MAGEC3: variants seen among roughly 807,000 people sequenced by gnomAD.
MAGEC3 encodes MAGE family member C3, also known as melanoma-associated antigen C3.
A neutral mutation model predicts 35.3 loss-of-function variants in MAGEC3; 34 were observed. The observed-to-expected ratio is 0.96, with a 90% confidence interval of 0.73 to 1.28. The LOEUF (loss-of-function observed/expected upper bound fraction) is 1.28. Among genes scored for constraint, MAGEC3 ranks in the 50% most tolerant of loss-of-function variants. MAGEC3 has a pLI of 0.00. For missense variants in MAGEC3, 561 were observed against 483.6 expected (o/e 1.16, Z -1.50); for synonymous variants, 202 against 185.6 (o/e 1.09, Z -0.72).
intron 2 of MAGEC3, among the ~76,000 whole-genome samples, chrX:141,868,928 C>T (rs1018296964): frequency 1.1e-4 from 12 of 109,178 alleles, no homozygotes; most frequent in Non-Finnish European, 1.7e-4. Context: ...TTCACCCAGG[C>T]GGGAGTGCAG....
At chrX:141,896,575 T>A in intron 6 of MAGEC3, 1 of 1,190,166 alleles carries the variant, frequency 8.4e-7, no homozygotes, top group South Asian at 1.9e-5. Context: ...ACTGTCACTG[T>A]CTTCCTCAGG....
At chrX:141,843,139 C>G (rs1048001193) in intron 1 of MAGEC3, among the ~76,000 whole-genome samples, 2 of 112,348 alleles carry the variant, frequency 1.8e-5, no homozygotes, top group African/African-American at 6.5e-5. Flanking sequence ...TGGCCAGTCT[C>G]TAGTTCACAA....
intron 1 of MAGEC3, among the ~76,000 whole-genome samples, chrX:141,856,927 A>G (rs756706435): frequency 8.9e-6 from 1 of 111,891 alleles, no homozygotes; most frequent in East Asian, 2.8e-4. Flanking sequence ...AAATGCAAAC[A>G]CCCTGACAAA....
At chrX:141,857,229 A>G (rs2017786477) in intron 1 of MAGEC3, among the ~76,000 whole-genome samples, 1 of 110,757 alleles carries the variant, frequency 9.0e-6, no homozygotes, top group Non-Finnish European at 1.9e-5. Context: ...ATTGATAAGG[A>G]AACTGGGCTC....
intron 4 of MAGEC3, among the ~76,000 whole-genome samples, chrX:141,882,337 T>G (rs1159044140): frequency 8.9e-6 from 1 of 112,139 alleles, no homozygotes. Context: ...TAGGTTGAAT[T>G]AGCTTCAGAA....
chrX:141,867,109 C>G (rs1173321312), intron 2 of MAGEC3, among the ~76,000 whole-genome samples: 1 of 110,960 alleles, frequency 9.0e-6, no homozygotes, highest in Non-Finnish European at 1.9e-5. Context: ...ATGGACCTCA[C>G]TGGGGCCTTC....
chrX:141,846,622 C>T (rs775956452), intron 1 of MAGEC3, among the ~76,000 whole-genome samples: 11 of 111,019 alleles, frequency 9.9e-5, no homozygotes, highest in Admixed American at 8.6e-4. Context: ...AAGATGGTAA[C>T]AAAACTAATT....
At chrX:141,892,379 A>G (rs750089606) in intron 4 of MAGEC3, among the ~76,000 whole-genome samples, 1 of 112,017 alleles carries the variant, frequency 8.9e-6, no homozygotes, top group East Asian at 2.8e-4. Context: ...TTTTGTGGCT[A>G]TAATTCATGT....
intron 2 of MAGEC3, among the ~76,000 whole-genome samples, chrX:141,870,785 T>C (rs1749223144): frequency 8.9e-6 from 1 of 112,060 alleles, no homozygotes; most frequent in Non-Finnish European, 1.9e-5. Context: ...AGTTGGACTT[T>C]TTCCAGCATA....
intron 4 of MAGEC3, among the ~76,000 whole-genome samples, chrX:141,887,101 T>C (rs1471555202): frequency 8.9e-6 from 1 of 112,335 alleles, no homozygotes; most frequent in East Asian, 2.8e-4. Flanking sequence ...AATTAACACA[T>C]CTCCTGATAC....
At chrX:141,840,794 CCACAAG>C (rs1196232721) in intron 1 of MAGEC3, among the ~76,000 whole-genome samples, 1 of 109,439 alleles carries the variant, frequency 9.1e-6, no homozygotes, top group African/African-American at 3.3e-5. Context: ...AAAAAAAACC[CCACAAG>C]AACAAAAACA....
At chrX:141,864,599 G>C (rs2017836751) in intron 1 of MAGEC3, among the ~76,000 whole-genome samples, 1 of 111,033 alleles carries the variant, frequency 9.0e-6, no homozygotes, top group African/African-American at 3.3e-5. Flanking sequence ...GCACAGAGAA[G>C]AACAACACAC....
At chrX:141,865,301 A>AT (rs2017841033) in intron 1 of MAGEC3, among the ~76,000 whole-genome samples, 170 bp from the exon 2 acceptor site, 4 of 110,244 alleles carry the variant, frequency 3.6e-5, no homozygotes, top group Admixed American at 1.9e-4. Context: ...AAGTCATAAG[A>AT]TTTACCTTAT....
intron 2 of MAGEC3, 66 bp downstream of exon 2, chrX:141,865,671 C>T (rs951042505): frequency 9.1e-7 from 1 of 1,097,208 alleles, no homozygotes. Flanking sequence ...TAGCCCTGCC[C>T]TCCCTGTGCT....
intron 1 of MAGEC3, among the ~76,000 whole-genome samples, chrX:141,844,698 A>T (rs756222138): frequency 9.0e-6 from 1 of 111,233 alleles, no homozygotes; most frequent in South Asian, 3.7e-4. Context: ...TGTTTTTATT[A>T]GGCAGTATTC....
chrX:141,889,326 A>G (rs937365210), intron 4 of MAGEC3, among the ~76,000 whole-genome samples: 3 of 111,427 alleles, frequency 2.7e-5, no homozygotes, highest in Non-Finnish European at 5.7e-5. Context: ...AAGGGGTGGA[A>G]ACACCACTCA....
At position 141,870,140 on chromosome X, in the gene MAGEC3, T is replaced by A. The variant is rs1258747705; in HGVS notation, c.258+4535T>A. 5.4e-5 allele frequency among the ~76,000 whole-genome samples: 6 copies of A among 111,927 alleles called. No homozygotes were observed. The East Asian group carries it at 1.4e-3, about 26-fold the overall frequency. On this transcript the variant is annotated intron_variant, in intron 2 of 7. Transcript: ENST00000298296. ...CCCTAAGTTGGTTTTTGTTAGTTTGTTTTGTTTTGCCAAAATGATGAGTTA... is the reference window on the plus strand; with the variant it reads ...CCCTAAGTTGGTTTTTGTTAGTTTGATTTGTTTTGCCAAAATGATGAGTTA...
intron 1 of MAGEC3, among the ~76,000 whole-genome samples, chrX:141,845,793 T>G (rs1230948865): frequency 9.0e-6 from 1 of 111,062 alleles, no homozygotes; most frequent in African/African-American, 3.3e-5. Flanking sequence ...TAGAATAGTT[T>G]CGTTGAAAAA....
At chrX:141,882,698 T>A (rs2124118259) in intron 4 of MAGEC3, among the ~76,000 whole-genome samples, 1 of 112,397 alleles carries the variant, frequency 8.9e-6, no homozygotes, top group Non-Finnish European at 1.9e-5. Flanking sequence ...TGCCTAACAT[T>A]CTGTGAGCAT....
Sources: allele counts gnomAD v4.1 joint callset (sites outside exome capture counted in the v4.1 genomes callset), GRCh38; gene constraint gnomAD v4.1.1; transcripts MANE v1.5; gene names NCBI Gene and HGNC (gene_info 2026-07-23, HGNC 2026-07-21).